MKLN1: variants seen among roughly 807,000 people sequenced by gnomAD.
The protein encoded by MKLN1 is muskelin.
In MKLN1, 18 loss-of-function variants were observed where a neutral mutation model predicts 99.0. The ratio of observed to expected loss-of-function variants is 0.18; its 90% CI spans 0.13 to 0.27. The LOEUF (loss-of-function observed/expected upper bound fraction) is 0.27, where lower values mean the gene tolerates loss of function less well. Among genes scored for constraint, MKLN1 ranks in the 10% least tolerant of loss-of-function variants. The pLI, the probability that MKLN1 is intolerant of heterozygous loss-of-function variation, is 1.00. For synonymous variants in MKLN1, 288 were observed against 293.2 expected (o/e 0.98, Z 0.18); for missense variants, 621 against 875.9 (o/e 0.71, Z 3.67).
At position 131,327,922 on chromosome 7, in the gene MKLN1, C is replaced by T. The variant is rs750653966; in HGVS notation, c.23C>T (p.Ala8Val). The T allele has an allele frequency of 1.2e-6, 2 of 1,613,058 alleles. No homozygotes were observed. The highest frequency in any genetic ancestry group is 1.7e-6 in the Non-Finnish European group (2 of 1,179,832). The stretch of plus-strand genomic sequence containing the variant: ...AAGATGGCGGCTGGCGGAGCTGTCG[C>T]TGCGGCGCCCGAGTGCCGGCTTCTC... MAAGGAV[A>V]AAPECRLLPY... The change falls in exon 1 of 18, where the codon GCT becomes GTT. Residue 8 changes from alanine to valine, a missense_variant. Ala to Val is a moderately conservative substitution (Grantham distance 64). Around this residue, in one of 8 missense-constraint regions of MKLN1, gnomAD observed 58 missense variants for 40.0 expected, o/e 1.45. Transcript: ENST00000352689.
chr7:131,134,422 G>T (rs1795617099), intron 1 of MKLN1, among the ~76,000 whole-genome samples: 1 of 151,924 alleles, frequency 6.6e-6, no homozygotes, highest in Admixed American at 6.6e-5. Flanking sequence ...TTTATTACGA[G>T]GACTGAGCCA....
chr7:131,404,184 GT>G (rs1244225978), intron 6 of MKLN1, among the ~76,000 whole-genome samples: 1 of 152,156 alleles, frequency 6.6e-6, no homozygotes, highest in East Asian at 1.9e-4. Flanking sequence ...TGCATGTCTT[GT>G]TTTGTTATCT....
At chr7:131,333,345 G>C (rs150729208) in intron 1 of MKLN1, among the ~76,000 whole-genome samples, 1 of 152,144 alleles carries the variant, frequency 6.6e-6, no homozygotes, top group African/African-American at 2.4e-5. Context: ...AAAGTGCTGC[G>C]ATTGTAGGTG....
chr7:131,204,497 A>G (rs1796776392), intron 3 of MKLN1, among the ~76,000 whole-genome samples: 1 of 152,226 alleles, frequency 6.6e-6, no homozygotes. Flanking sequence ...TATCCAATAG[A>G]ACATCAACAA....
chr7:131,195,271 G>T (rs1796624753), intron 2 of MKLN1, among the ~76,000 whole-genome samples: 1 of 152,176 alleles, frequency 6.6e-6, no homozygotes, highest in African/African-American at 2.4e-5. Flanking sequence ...AGCATTTTGG[G>T]AGACCGAGGC....
intron 1 of MKLN1, among the ~76,000 whole-genome samples, chr7:131,332,432 A>G (rs1457921562): frequency 6.7e-6 from 1 of 148,468 alleles, no homozygotes; most frequent in East Asian, 1.9e-4. Context: ...TGTCTAAGAA[A>G]AAAATAGACA....
At chr7:131,243,840 C>A (rs1459798678) in intron 3 of MKLN1, among the ~76,000 whole-genome samples, 6 of 152,060 alleles carry the variant, frequency 3.9e-5, no homozygotes, top group Admixed American at 3.9e-4. Context: ...ATGGTGAAAC[C>A]CCGTCTCTAC....
chr7:131,440,481 A>C (rs1017177585), intron 10 of MKLN1, among the ~76,000 whole-genome samples: 3 of 152,216 alleles, frequency 2.0e-5, no homozygotes, highest in Admixed American at 6.5e-5. Flanking sequence ...ATTACATATG[A>C]AAAACTAAAA....
chr7:131,450,805 A>G (rs1796156445), intron 12 of MKLN1, among the ~76,000 whole-genome samples: 1 of 152,260 alleles, frequency 6.6e-6, no homozygotes, highest in Non-Finnish European at 1.5e-5. Context: ...GGTTAGAAAT[A>G]TAAAAACATG....
In MKLN1 at chr7:131,412,856, C is replaced by T. The variant is rs144738466; in HGVS notation, c.781+1473C>T. ...TCTTTAGTTGTGAGAAAGCTTTCTC[C>T]TGATAGTATTGCATATTAATATGCA... On this transcript the variant is annotated intron_variant, in intron 7 of 17. Coordinates refer to ENST00000352689, the MANE Select transcript of MKLN1 (RefSeq NM_013255.5). Among the ~76,000 whole-genome samples the T allele has an allele frequency of 1.4e-3, 206 of 152,180 alleles. 2 individuals are homozygous for T. The highest frequency in any genetic ancestry group is 4.6e-3 in the African/African-American group (192 of 41,518).
intron 1 of MKLN1, among the ~76,000 whole-genome samples, chr7:131,122,456 G>C (rs1046171303): frequency 2.6e-5 from 4 of 152,144 alleles, no homozygotes; most frequent in African/African-American, 9.7e-5. Flanking sequence ...GTCAATCTGA[G>C]TCATTTTTAT....
At chr7:131,307,378 G>A (rs1056688552) in intron 3 of MKLN1, among the ~76,000 whole-genome samples, 3 of 152,172 alleles carry the variant, frequency 2.0e-5, no homozygotes, top group African/African-American at 7.2e-5. Flanking sequence ...GCACTGCCTA[G>A]TGGACCTGTG....
Position 131,198,667 on chromosome 7 carries a change from T to A in MKLN1, c.-296-4190T>A, listed in dbSNP as rs137945559. Reference sequence around the variant, plus strand: ...TTAAAAGCAAATTTTGAAAATTACTTAGCTAATAGAAAAGGTAGAAGACTG... The same window carrying A: ...TTAAAAGCAAATTTTGAAAATTACTAAGCTAATAGAAAAGGTAGAAGACTG... On this transcript the variant is annotated intron_variant, in intron 2 of 7. Coordinates refer to the MKLN1 transcript ENST00000416992. Among the ~76,000 whole-genome samples the A allele has an allele frequency of 1.2e-4, 18 of 152,284 alleles. No homozygotes were observed. The East Asian group carries it at 3.3e-3, about 28-fold the overall frequency.
intron 3 of MKLN1, among the ~76,000 whole-genome samples, chr7:131,262,665 C>T (rs1377119136): frequency 1.3e-5 from 2 of 152,116 alleles, no homozygotes; most frequent in African/African-American, 4.8e-5. Flanking sequence ...ATTCTCCTCC[C>T]TCAGCCTCCC....
chr7:131,412,594 A>G, intron 7 of MKLN1, among the ~76,000 whole-genome samples: 1 of 152,186 alleles, frequency 6.6e-6, no homozygotes, highest in East Asian at 1.9e-4. Flanking sequence ...TCTAATAAAG[A>G]CTGTTTTCAT....
intron 1 of MKLN1, among the ~76,000 whole-genome samples, chr7:131,138,867 G>A (rs996014607): frequency 6.6e-6 from 1 of 152,202 alleles, no homozygotes; most frequent in Admixed American, 6.5e-5. Context: ...GTCATTGTAT[G>A]CGTCTTGGAA....
At chr7:131,176,276 T>G (rs1217113947) in intron 2 of MKLN1, among the ~76,000 whole-genome samples, 3 of 152,228 alleles carry the variant, frequency 2.0e-5, no homozygotes, top group Non-Finnish European at 4.4e-5. Context: ...CTATCTTTCC[T>G]TTATGTATTT....
chr7:131,472,953 AAAAAAAAAAAAAG>A (rs1185655469), intron 16 of MKLN1, among the ~76,000 whole-genome samples: 2 of 151,160 alleles, frequency 1.3e-5, no homozygotes, highest in Non-Finnish European at 3.0e-5. Flanking sequence ...ATCTCAAAAA[AAAAAAAAAAAAAG>A]AAAAAAAAAC....
chr7:131,400,787 T>G (rs964160092), intron 6 of MKLN1, among the ~76,000 whole-genome samples: 8 of 152,054 alleles, frequency 5.3e-5, no homozygotes, highest in Non-Finnish European at 1.2e-4. Flanking sequence ...AAAAATCTTG[T>G]GCAGTTTTGA....
Sources: gnomAD v4.1 joint callset for allele counts (sites outside exome capture counted in the v4.1 genomes callset) on GRCh38, gnomAD v4.1.1 for gene constraint, gnomAD v4.1.1 regional missense constraint, MANE v1.5 for transcripts, NCBI Gene and HGNC (gene_info 2026-07-23, HGNC 2026-07-21) for gene names.